The following GRID2 variants were observed in gnomAD, a reference collection of about 807,000 sequenced individuals.
GRID2 encodes the protein glutamate ionotropic receptor delta type subunit 2, also known as glutamate receptor ionotropic, delta-2.
In GRID2, 33 loss-of-function variants were observed where a neutral mutation model predicts 114.8. The ratio of observed to expected loss-of-function variants is 0.29; its 90% confidence interval spans 0.22 to 0.38. The LOEUF is 0.38. GRID2 is among the 10% of genes least tolerant of loss of function. The pLI, the probability that GRID2 is intolerant of heterozygous loss-of-function variation, is 1.00. For missense variants in GRID2, 1,184 were observed against 1,257.7 expected (o/e 0.94, Z 0.89); for synonymous variants, 505 against 449.9 (o/e 1.12, Z -1.55).
intron 2 of GRID2, among the ~76,000 whole-genome samples, chr4:92,955,834 T>C (rs945385869): frequency 6.6e-6 from 1 of 152,290 alleles, no homozygotes; most frequent in African/African-American, 2.4e-5. Context: ...TTTCTACATA[T>C]GGCTAGCCAG....
intron 2 of GRID2, among the ~76,000 whole-genome samples, chr4:93,023,711 A>C (rs1012262501): frequency 2.6e-5 from 4 of 151,918 alleles, no homozygotes; most frequent in East Asian, 1.9e-4. Flanking sequence ...AGCTACTTTT[A>C]CTTTTCCTTA....
At chr4:93,505,504 C>A (rs926215328) in intron 12 of GRID2, among the ~76,000 whole-genome samples, 1 of 150,904 alleles carries the variant, frequency 6.6e-6, no homozygotes, top group African/African-American at 2.4e-5. Context: ...ACTGCACATG[C>A]TTTTTACCAT....
chr4:92,990,483 T>C (rs1417984150), intron 2 of GRID2, among the ~76,000 whole-genome samples: 2 of 151,742 alleles, frequency 1.3e-5, no homozygotes, highest in African/African-American at 4.8e-5. Context: ...CTAATTTTTG[T>C]ATTTTTAGTA....
chr4:92,588,653 T>G (rs1277809851), intron 1 of GRID2, among the ~76,000 whole-genome samples: 5 of 118,422 alleles, frequency 4.2e-5, no homozygotes, highest in Non-Finnish European at 8.0e-5. Context: ...CACTCCAGCC[T>G]GGGCAACAGA....
chr4:93,178,072 G>GAAA (rs34280329), intron 4 of GRID2, among the ~76,000 whole-genome samples: 20 of 140,940 alleles, frequency 1.4e-4, no homozygotes, highest in African/African-American at 4.1e-4. Flanking sequence ...TACTCAACTT[G>GAAA]AAAAAAAAAA....
intron 2 of GRID2, among the ~76,000 whole-genome samples, chr4:92,601,277 T>C (rs1035934024): frequency 1.3e-5 from 2 of 152,108 alleles, no homozygotes; most frequent in Non-Finnish European, 2.9e-5. Flanking sequence ...ATCACATAAT[T>C]AGAAGTAACA....
At chr4:92,429,133 TA>T (rs1732309988) in intron 1 of GRID2, among the ~76,000 whole-genome samples, 1 of 152,180 alleles carries the variant, frequency 6.6e-6, no homozygotes, top group South Asian at 2.1e-4. Context: ...GTTCTTGTGT[TA>T]ATCTGCTGAG....
At chr4:92,842,751 G>C (rs1370636827) in intron 2 of GRID2, among the ~76,000 whole-genome samples, 1 of 152,124 alleles carries the variant, frequency 6.6e-6, no homozygotes, top group African/African-American at 2.4e-5. Flanking sequence ...GGGATTACAG[G>C]CATGAGCCAC....
chr4:92,529,038 G>C (rs1479736073), intron 1 of GRID2, among the ~76,000 whole-genome samples: 1 of 152,058 alleles, frequency 6.6e-6, no homozygotes, highest in Non-Finnish European at 1.5e-5. Flanking sequence ...CACAGTAGAT[G>C]AATTCTCTTG....
At chr4:92,829,003 A>G (rs1027531905) in intron 2 of GRID2, among the ~76,000 whole-genome samples, 2 of 152,098 alleles carry the variant, frequency 1.3e-5, no homozygotes, top group Admixed American at 1.3e-4. Context: ...GGCTGTGCAG[A>G]AGCTCTTTAG....
chr4:93,376,432 G>A (rs1018934358), intron 8 of GRID2, among the ~76,000 whole-genome samples: 12 of 151,622 alleles, frequency 7.9e-5, no homozygotes, highest in East Asian at 1.9e-4. Flanking sequence ...AATCTAGCTC[G>A]GGAAACTACA....
At chr4:93,794,616 T>C (rs1212725322) in intron 1 of GRID2, among the ~76,000 whole-genome samples, 3 of 152,264 alleles carry the variant, frequency 2.0e-5, no homozygotes, top group African/African-American at 7.2e-5. Context: ...TTCTCAAATC[T>C]GATGCCTGCT....
intron 2 of GRID2, among the ~76,000 whole-genome samples, chr4:92,887,103 G>T (rs530540155): frequency 6.6e-6 from 1 of 152,220 alleles, no homozygotes; most frequent in East Asian, 1.9e-4. Flanking sequence ...TGTTAATATG[G>T]TGTTTTGTTT....
At chr4:93,645,173 T>G (rs1048563685) in intron 14 of GRID2, among the ~76,000 whole-genome samples, 6 of 152,116 alleles carry the variant, frequency 3.9e-5, no homozygotes, top group Admixed American at 6.5e-5. Flanking sequence ...GTGTTGAGCA[T>G]CAAATGGACA....
At chr4:92,535,697 A>T (rs960225567) in intron 1 of GRID2, among the ~76,000 whole-genome samples, 2 of 152,206 alleles carry the variant, frequency 1.3e-5, no homozygotes, top group Non-Finnish European at 2.9e-5. Flanking sequence ...CCTGCCCTAG[A>T]AATCTATTGT....
At chr4:93,539,112 T>C (rs1732400029) in intron 13 of GRID2, among the ~76,000 whole-genome samples, 1 of 151,854 alleles carries the variant, frequency 6.6e-6, no homozygotes, top group Admixed American at 6.6e-5. Context: ...TAGAAACATA[T>C]CTAGATTTTT....
chr4:92,725,361 A>G (rs770198847), intron 2 of GRID2, among the ~76,000 whole-genome samples: 1 of 152,166 alleles, frequency 6.6e-6, no homozygotes, highest in Admixed American at 6.6e-5. Context: ...AGAGTCTAAC[A>G]TCCTTATTAT....
At chr4:92,650,458 T>C (rs1731870843) in intron 2 of GRID2, among the ~76,000 whole-genome samples, 1 of 152,122 alleles carries the variant, frequency 6.6e-6, no homozygotes, top group Admixed American at 6.6e-5. Flanking sequence ...CTAAGATATC[T>C]TCTGTATTCC....
At chr4:93,072,780 A>C (rs148055196) in intron 2 of GRID2, among the ~76,000 whole-genome samples, 13 of 152,312 alleles carry the variant, frequency 8.5e-5, no homozygotes, top group African/African-American at 3.1e-4. Flanking sequence ...ACTAGATACT[A>C]GTCTATCATT....
Sources: gnomAD v4.1 joint callset for allele counts (sites outside exome capture counted in the v4.1 genomes callset) on GRCh38, gnomAD v4.1.1 for gene constraint, MANE v1.5 for transcripts, NCBI Gene and HGNC (gene_info 2026-07-23, HGNC 2026-07-21) for gene names.